Variants in CEP85 observed in about 807,000 individuals in gnomAD.
CEP85 encodes centrosomal protein of 85 kDa.
Under a neutral mutation model 93.7 loss-of-function variants are expected in CEP85, and 58 were observed. That is an observed-to-expected ratio of 0.62 (90% CI 0.50 to 0.77). The LOEUF is 0.77. CEP85 is among the 30% of genes least tolerant of loss of function. The probability of loss-of-function intolerance (pLI) is 0.00; values close to 1 mark genes in which losing one functional copy is unlikely to be tolerated. For missense variants in CEP85, 868 were observed against 922.0 expected (o/e 0.94, Z 0.76); for synonymous variants, 314 against 338.6 (o/e 0.93, Z 0.80).
rs1570035229 is a variant in CEP85, at chr1:26,268,482, G to C, written c.1342-1G>C. On this transcript the variant is annotated splice_acceptor_variant, in intron 7 of 13. Transcript: ENST00000451429. LOFTEE classifies it high-confidence loss of function. ...GACAGACTTGACATTTATTTTCCTAGGTCAAAGGTCGTGATAAACATATCA... is the reference window on the plus strand; with the variant it reads ...GACAGACTTGACATTTATTTTCCTACGTCAAAGGTCGTGATAAACATATCA... The C allele has an allele frequency of 6.2e-7, 1 of 1,613,992 alleles. No homozygotes were observed. The highest frequency in any genetic ancestry group is 8.5e-7 in the Non-Finnish European group (1 of 1,179,954).
At chr1:26,244,121 C>T (rs1387043723) in intron 2 of CEP85, 45 bp from the exon 3 acceptor site, 2 of 1,584,880 alleles carry the variant, frequency 1.3e-6, no homozygotes, top group Non-Finnish European at 1.7e-6. Context: ...GATGGGGTTA[C>T]ATCAGCTGGT....
At chr1:26,244,944 C>T (rs1177046960) in intron 3 of CEP85, among the ~76,000 whole-genome samples, 1 of 152,166 alleles carries the variant, frequency 6.6e-6, no homozygotes, top group Non-Finnish European at 1.5e-5. Flanking sequence ...ATTGCTTGGG[C>T]GATGAAGTTC....
intron 7 of CEP85, among the ~76,000 whole-genome samples, chr1:26,263,642 G>A (rs891028831): frequency 6.6e-6 from 1 of 151,870 alleles, no homozygotes; most frequent in Non-Finnish European, 1.5e-5. Flanking sequence ...TGATCTCACA[G>A]TTACACTCCA....
intron 11 of CEP85, 175 bp downstream of exon 11, chr1:26,272,246 A>C (rs956388107): frequency 1.5e-5 from 10 of 651,608 alleles, no homozygotes; most frequent in Non-Finnish European, 2.5e-5. Context: ...TATAGTAGGG[A>C]GTTTCAGCAC....
chr1:26,271,706 TG>T (rs1425416932), intron 10 of CEP85: 1 of 345,200 alleles, frequency 2.9e-6, no homozygotes, highest in African/African-American at 2.0e-5. Flanking sequence ...AACAAGAGTT[TG>T]CACTGGCTGT....
intron 11 of CEP85, among the ~76,000 whole-genome samples, chr1:26,272,723 G>A (rs1049376747): frequency 1.4e-5 from 2 of 144,782 alleles, no homozygotes; most frequent in African/African-American, 5.2e-5. Context: ...CTGCCTCCCA[G>A]GTTCAAGCAA....
chr1:26,250,147 C>A (rs1569984680), intron 3 of CEP85, among the ~76,000 whole-genome samples: 1 of 149,596 alleles, frequency 6.7e-6, no homozygotes, highest in Middle Eastern at 3.4e-3. Context: ...AACCACAGAC[C>A]AGACTTACGG....
intron 12 of CEP85, among the ~76,000 whole-genome samples, 164 bp from the exon 13 acceptor site, chr1:26,276,371 C>T (rs544206405): frequency 2.0e-5 from 3 of 152,300 alleles, no homozygotes; most frequent in East Asian, 3.9e-4. Context: ...AGGCCTGATA[C>T]TGATAGTGGG....
At chr1:26,270,546 C>T (rs1363402528) in intron 9 of CEP85, among the ~76,000 whole-genome samples, 1 of 152,188 alleles carries the variant, frequency 6.6e-6, no homozygotes, top group Non-Finnish European at 1.5e-5. Flanking sequence ...TTGTTTATCT[C>T]AGCAGATGGG....
At chr1:26,241,665 C>G (rs1239845313) in intron 2 of CEP85, among the ~76,000 whole-genome samples, 1 of 152,058 alleles carries the variant, frequency 6.6e-6, no homozygotes, top group Non-Finnish European at 1.5e-5. Context: ...TGGCTTTTTT[C>G]TCTCTTCAAT....
intron 9 of CEP85, 75 bp downstream of exon 9, chr1:26,269,689 G>A: frequency 8.7e-7 from 1 of 1,155,790 alleles, no homozygotes; most frequent in Non-Finnish European, 1.2e-6. Context: ...ACTTACCTGT[G>A]TGACTTTGGG....
chr1:26,273,286 G>A (rs1444919550), intron 11 of CEP85, among the ~76,000 whole-genome samples: 2 of 152,092 alleles, frequency 1.3e-5, no homozygotes, highest in African/African-American at 4.8e-5. Flanking sequence ...GCGTCTCTTT[G>A]GACTCTAAAA....
In CEP85 at chr1:26,247,772, G is replaced by A. The variant is rs145195310; in HGVS notation, c.208+3454G>A. Among the ~76,000 whole-genome samples, 613 of 152,224 alleles carry A rather than the reference G, an allele frequency of 4.0e-3. 4 individuals carry two copies. The highest frequency in any genetic ancestry group is 6.9e-3 in the Non-Finnish European group (472 of 68,014). Reference sequence around the variant, plus strand: ...TCTTTCCACCTAAGCCTTCCAAGTAGCTGGGACTACAGGCGTGTACCATCA... The same window carrying A: ...TCTTTCCACCTAAGCCTTCCAAGTAACTGGGACTACAGGCGTGTACCATCA... On this transcript the variant is annotated intron_variant, in intron 3 of 13. Transcript: ENST00000451429.
At chr1:26,243,216 T>G (rs1490364470) in intron 2 of CEP85, among the ~76,000 whole-genome samples, 2 of 150,816 alleles carry the variant, frequency 1.3e-5, no homozygotes, top group Non-Finnish European at 2.9e-5. Context: ...CACTGCAACC[T>G]CGAAGCAATG....
Position 26,255,439 on chromosome 1 carries a change from A to G in CEP85, c.477A>G (p.Gly159=). ...TCTCTGGTGCTACTGGAGAAAATGG[A>G]ATTGAGCAGTCCTGGTTTCCAGCAG... The part of the protein sequence containing the change: ...MYFSGATGEN[G]IEQSWFPAVG... Residue 159 remains glycine (G), a synonymous_variant, in exon 4 of 14, where the codon GGA becomes GGG. Coordinates refer to ENST00000451429, the MANE Select transcript of CEP85 (RefSeq NM_001319944.2). 1 of 1,614,076 alleles carries G rather than the reference A, an allele frequency of 6.2e-7. No homozygotes were observed. The highest frequency in any genetic ancestry group is 8.5e-7 in the Non-Finnish European group (1 of 1,180,020).
At position 26,255,461 on chromosome 1, in the gene CEP85, G is replaced by A; in HGVS notation, c.499G>A (p.Ala167Thr). The A allele has an allele frequency of 1.9e-6, 3 of 1,614,156 alleles. No homozygotes were observed. In the South Asian group the frequency reaches 3.3e-5, roughly 18 times the overall value. ...TGGAATTGAGCAGTCCTGGTTTCCAGCAGTGGGCCATGAAAGACAAGAAGA... is the reference window on the plus strand; with the variant it reads ...TGGAATTGAGCAGTCCTGGTTTCCAACAGTGGGCCATGAAAGACAAGAAGA... ...ENGIEQSWFP[A>T]VGHERQEEAR... is the part of the protein sequence containing the mutation. The change falls in exon 4 of 14, where the codon GCA becomes ACA. Residue 167 changes from alanine (A) to threonine (T), a missense_variant. Physicochemically the swap from Ala to Thr is moderately conservative, Grantham distance 58 (BLOSUM62 0). Transcript: ENST00000451429.
chr1:26,235,267 A>T (rs1267793319), intron 1 of CEP85, among the ~76,000 whole-genome samples: 2 of 152,198 alleles, frequency 1.3e-5, no homozygotes, highest in African/African-American at 4.8e-5. Context: ...CGGTGGTGAT[A>T]CAAGGACGAT....
chr1:26,261,363 T>G (rs1380264507), intron 7 of CEP85, among the ~76,000 whole-genome samples: 2 of 151,802 alleles, frequency 1.3e-5, no homozygotes, highest in Non-Finnish European at 2.9e-5. Flanking sequence ...TCCCAGCTAC[T>G]CAGGAGGCTG....
rs536023037 is a variant in CEP85, at chr1:26,270,873, A to G, written c.1650-141A>G. On this transcript the variant is annotated intron_variant, in intron 9 of 13. Coordinates refer to ENST00000451429, the MANE Select transcript of CEP85 (RefSeq NM_001319944.2). ...GCAGCTTTTGTGTGGCACCCCATAT[A>G]TTACAGCAGACCCAAGTATTATCCC... 8 of 590,400 alleles carry G rather than the reference A, an allele frequency of 1.4e-5. No homozygotes were observed. In the South Asian group the frequency reaches 1.7e-4, roughly 12 times the overall value. The allele number at this position is 590,400 out of a possible 1,614,324, so 36.6% of individuals were successfully genotyped here.
Sources: gnomAD v4.1 joint callset for allele counts (sites outside exome capture counted in the v4.1 genomes callset) on GRCh38, gnomAD v4.1.1 for gene constraint, MANE v1.5 for transcripts, NCBI Gene and HGNC (gene_info 2026-07-23, HGNC 2026-07-21) for gene names.